MCTP1: variants seen among roughly 807,000 people sequenced by gnomAD.
MCTP1 encodes the protein multiple C2 and transmembrane domain containing 1, also known as multiple C2 and transmembrane domain-containing protein 1.
In MCTP1, 69 loss-of-function variants were observed where a neutral mutation model predicts 120.6. That is an observed-to-expected ratio of 0.57 (90% CI 0.47 to 0.70). The LOEUF (loss-of-function observed/expected upper bound fraction) is 0.70. Ranked by LOEUF, MCTP1 falls within the 30% of genes least tolerant of loss-of-function variation. The probability of loss-of-function intolerance (pLI) is 0.00; values close to 1 mark genes in which losing one functional copy is unlikely to be tolerated. For missense variants in MCTP1, 1,203 were observed against 1,248.8 expected (o/e 0.96, Z 0.55); for synonymous variants, 529 against 493.1 (o/e 1.07, Z -0.96).
intron 1 of MCTP1, among the ~76,000 whole-genome samples, chr5:95,212,906 C>A (rs1394416149): frequency 6.6e-6 from 1 of 152,172 alleles, no homozygotes; most frequent in Non-Finnish European, 1.5e-5. Flanking sequence ...CAGCCAATAT[C>A]ATACTGAATG....
At chr5:95,256,995 T>A (rs536858086) in intron 1 of MCTP1, among the ~76,000 whole-genome samples, 12 of 152,354 alleles carry the variant, frequency 7.9e-5, no homozygotes, top group African/African-American at 1.4e-4. Flanking sequence ...TAACTTTTTT[T>A]AAATCAAATT....
chr5:95,046,283 T>G (rs1017189003), intron 1 of MCTP1, among the ~76,000 whole-genome samples: 3 of 152,102 alleles, frequency 2.0e-5, no homozygotes, highest in Non-Finnish European at 4.4e-5. Context: ...ATACAAGCCT[T>G]TAGAAAATAC....
intron 17 of MCTP1, 76 bp downstream of exon 17, chr5:94,868,257 C>G: frequency 7.3e-7 from 1 of 1,372,974 alleles, no homozygotes; most frequent in Non-Finnish European, 9.6e-7. Context: ...ATAACTGTTA[C>G]TATAGCCACA....
chr5:95,096,677 A>G (rs1318825943), intron 1 of MCTP1, among the ~76,000 whole-genome samples: 1 of 152,224 alleles, frequency 6.6e-6, no homozygotes, highest in Non-Finnish European at 1.5e-5. Context: ...AGCTTTTAGC[A>G]TCTTACAGAG....
intron 1 of MCTP1, among the ~76,000 whole-genome samples, chr5:95,144,524 T>G (rs1760212799): frequency 6.6e-6 from 1 of 152,220 alleles, no homozygotes; most frequent in Non-Finnish European, 1.5e-5. Flanking sequence ...TTTTTTACAG[T>G]TTGAGGTCTT....
At chr5:95,031,540 A>C (rs1042604436) in intron 1 of MCTP1, among the ~76,000 whole-genome samples, 4 of 152,202 alleles carry the variant, frequency 2.6e-5, no homozygotes, top group Non-Finnish European at 5.9e-5. Flanking sequence ...AAAAAAATTA[A>C]GTTTCATAAA....
At chr5:95,022,448 T>C (rs895420310) in intron 1 of MCTP1, among the ~76,000 whole-genome samples, 44 of 152,206 alleles carry the variant, frequency 2.9e-4, no homozygotes, top group Non-Finnish European at 3.7e-4. Flanking sequence ...GCACTTTATA[T>C]CTTTATTTTC....
At chr5:95,261,536 C>T (rs1243839305) in intron 1 of MCTP1, among the ~76,000 whole-genome samples, 1 of 152,208 alleles carries the variant, frequency 6.6e-6, no homozygotes, top group Non-Finnish European at 1.5e-5. Flanking sequence ...CGCTCATCTT[C>T]TCTGGGACAT....
At chr5:95,003,346 C>T (rs1195399159) in intron 2 of MCTP1, among the ~76,000 whole-genome samples, 1 of 152,140 alleles carries the variant, frequency 6.6e-6, no homozygotes, top group Admixed American at 6.5e-5. Flanking sequence ...GTATTAACTG[C>T]AGTCACATGC....
intron 3 of MCTP1, among the ~76,000 whole-genome samples, chr5:94,948,047 A>C (rs1160425944): frequency 6.6e-6 from 1 of 152,162 alleles, no homozygotes; most frequent in East Asian, 1.9e-4. Context: ...GCAGTTTCAG[A>C]ATAACCATCA....
intron 13 of MCTP1, among the ~76,000 whole-genome samples, chr5:94,871,878 G>C (rs1422583124): frequency 2.0e-5 from 3 of 151,954 alleles, no homozygotes; most frequent in Non-Finnish European, 2.9e-5. Flanking sequence ...GACATCTCCT[G>C]TTTGTTTATA....
chr5:95,168,490 A>G lies in MCTP1; in HGVS notation c.720+115366T>C, dbSNP rs184820426. Among the ~76,000 whole-genome samples, 1,060 of 152,290 alleles carry G rather than the reference A, an allele frequency of 7.0e-3. 7 individuals carry two copies. The highest frequency in any genetic ancestry group is 0.01 in the Middle Eastern group (3 of 294). On this transcript the variant is annotated intron_variant, in intron 1 of 22. Transcript: ENST00000515393. ...GAATCTATAAATTACCTTGGGCAGT[A>G]TGGCCATTTTCACGATATTGATTCT...
intron 1 of MCTP1, among the ~76,000 whole-genome samples, chr5:95,108,664 C>A (rs1434102985): frequency 1.3e-5 from 2 of 152,212 alleles, no homozygotes; most frequent in Non-Finnish European, 2.9e-5. Context: ...TGGTAAGTCA[C>A]CCTTAGCTAG....
At position 94,730,877 on chromosome 5, in the gene MCTP1, T is replaced by G. The variant is rs542885985; in HGVS notation, c.2611-15991A>C. ...ATAAAATCATAAATACTCTGAGTTC[T>G]GGATCATAGTTGTTAGCATCTCCAG... On this transcript the variant is annotated intron_variant, in intron 19 of 22. Transcript: ENST00000515393. Among the ~76,000 whole-genome samples, 8 of 152,044 alleles carry G rather than the reference T, an allele frequency of 5.3e-5. No individual in the cohort carries two copies. The South Asian group carries it at 1.7e-3, about 32-fold the overall frequency.
intron 2 of MCTP1, among the ~76,000 whole-genome samples, chr5:95,000,686 CA>C (rs539601965): frequency 1.9e-4 from 29 of 151,948 alleles, no homozygotes; most frequent in African/African-American, 6.5e-4. Context: ...TGACAAGACT[CA>C]AAAAATTCTA....
At chr5:95,082,336 T>C (rs1478954699) in intron 1 of MCTP1, among the ~76,000 whole-genome samples, 1 of 152,210 alleles carries the variant, frequency 6.6e-6, no homozygotes, top group Non-Finnish European at 1.5e-5. Context: ...CTCCACCACA[T>C]GTTATCCCTT....
At chr5:94,815,299 TAATAC>T (rs1478872679) in intron 17 of MCTP1, among the ~76,000 whole-genome samples, 6 of 152,176 alleles carry the variant, frequency 3.9e-5, no homozygotes, top group Non-Finnish European at 5.9e-5. Context: ...TGATAAAGCT[TAATAC>T]ATGTGTTTGT....
chr5:95,017,432 G>T lies in MCTP1; in HGVS notation c.773C>A (p.Pro258His). The change falls in exon 2 of 23, where the codon CCC becomes CAC. Residue 258 changes from proline (P) to histidine (H), a missense_variant. By Grantham distance (77) the Pro-to-His change is moderately conservative. Transcript: ENST00000515393. ...TSNAEVPLADPGMYQLDITLR... is the reference protein window; with the variant it reads ...TSNAEVPLADHGMYQLDITLR... ...TGTAATGTCCAGCTGGTACATTCCGGGATCAGCCAAGGGGACTTCTGCATT... is the reference window on the plus strand; with the variant it reads ...TGTAATGTCCAGCTGGTACATTCCGTGATCAGCCAAGGGGACTTCTGCATT... 1 of 1,610,604 alleles carries T rather than the reference G, an allele frequency of 6.2e-7. No homozygotes were observed. Among genetic ancestry groups the T allele is most frequent in the Non-Finnish European group, 8.5e-7 (1 of 1,177,890 alleles).
Position 94,936,096 on chromosome 5 carries a change from T to C in MCTP1, c.1173+3988A>G, listed in dbSNP as rs1453791507. Among the ~76,000 whole-genome samples the C allele has an allele frequency of 1.3e-5, 2 of 152,088 alleles. 1 individual carries two copies. Among genetic ancestry groups the C allele is most frequent in the South Asian group, 4.2e-4 (2 of 4,812 alleles). ...ATTTATTGTCATCATTCGAATTCCATGGGAAGAGCAATAAGGCTTGATTTC... is the reference window on the plus strand; with the variant it reads ...ATTTATTGTCATCATTCGAATTCCACGGGAAGAGCAATAAGGCTTGATTTC... On this transcript the variant is annotated intron_variant, in intron 5 of 22. Coordinates refer to ENST00000515393, the MANE Select transcript of MCTP1 (RefSeq NM_024717.7).
Sources: allele counts gnomAD v4.1 joint callset (sites outside exome capture counted in the v4.1 genomes callset), GRCh38; gene constraint gnomAD v4.1.1; transcripts MANE v1.5; gene names NCBI Gene and HGNC (gene_info 2026-07-23, HGNC 2026-07-21).